The following PCDH9 variants were observed in gnomAD, a reference collection of about 807,000 sequenced individuals.
PCDH9 encodes the protein protocadherin 9.
Under a neutral mutation model 70.6 loss-of-function variants are expected in PCDH9, and 24 were observed. The ratio of observed to expected loss-of-function variants is 0.34; its 90% CI spans 0.25 to 0.48. The LOEUF is 0.48. Ranked by LOEUF, PCDH9 falls within the 20% of genes least tolerant of loss-of-function variation. The pLI, the probability that PCDH9 is intolerant of heterozygous loss-of-function variation, is 0.99. For synonymous variants in PCDH9, 562 were observed against 558.5 expected (o/e 1.01, Z -0.09); for missense variants, 1,281 against 1,503.6 (o/e 0.85, Z 2.45).
intron 2 of PCDH9, chr13:67,201,860 T>C (rs560796444): frequency 6.6e-6 from 1 of 152,162 alleles, no homozygotes; most frequent in East Asian, 1.9e-4. Flanking sequence ...CTGTAAGTGT[T>C]ACCTATAGAA....
intron 2 of PCDH9, among the ~76,000 whole-genome samples, chr13:67,106,722 TCCTGGG>T (rs1435428127): frequency 6.6e-6 from 1 of 152,204 alleles, no homozygotes; most frequent in African/African-American, 2.4e-5. Context: ...ATCCCTGTGC[TCCTGGG>T]CCTGGGAAAC....
At chr13:66,748,727 T>C (rs1192943284) in intron 3 of PCDH9, among the ~76,000 whole-genome samples, 1 of 152,156 alleles carries the variant, frequency 6.6e-6, no homozygotes, top group Non-Finnish European at 1.5e-5. Flanking sequence ...TATCACAGCA[T>C]AATATTGCTT....
chr13:66,503,746 T>C (rs1301810186), intron 4 of PCDH9, among the ~76,000 whole-genome samples: 1 of 152,196 alleles, frequency 6.6e-6, no homozygotes, highest in African/African-American at 2.4e-5. Flanking sequence ...CTGATTTAAA[T>C]CTGAATACTT....
chr13:67,064,857 T>C (rs1246937278), intron 2 of PCDH9, among the ~76,000 whole-genome samples: 1 of 152,008 alleles, frequency 6.6e-6, no homozygotes, highest in East Asian at 1.9e-4. Flanking sequence ...TGTATTTTTG[T>C]ATCTGTGTAT....
At chr13:66,423,172 T>C (rs568752636) in intron 4 of PCDH9, among the ~76,000 whole-genome samples, 10 of 152,164 alleles carry the variant, frequency 6.6e-5, no homozygotes, top group Non-Finnish European at 1.2e-4. Context: ...ATTAACAGCC[T>C]ACCAACCAAA....
intron 2 of PCDH9, among the ~76,000 whole-genome samples, chr13:67,194,292 G>C (rs1329757286): frequency 6.6e-6 from 1 of 151,700 alleles, no homozygotes; most frequent in Non-Finnish European, 1.5e-5. Context: ...TAAAATCATT[G>C]TCTCCAAATA....
At chr13:66,501,125 T>C (rs1299755091) in intron 4 of PCDH9, among the ~76,000 whole-genome samples, 3 of 152,122 alleles carry the variant, frequency 2.0e-5, no homozygotes, top group African/African-American at 7.2e-5. Flanking sequence ...CGGGCCAAAC[T>C]TAAGAACTGC....
chr13:66,733,113 C>T (rs891036219), intron 3 of PCDH9, among the ~76,000 whole-genome samples: 2 of 152,036 alleles, frequency 1.3e-5, no homozygotes, highest in Non-Finnish European at 2.9e-5. Flanking sequence ...GATCATTATC[C>T]TATAAAGATT....
intron 4 of PCDH9, among the ~76,000 whole-genome samples, chr13:66,386,820 A>T (rs1297201286): frequency 6.6e-6 from 1 of 152,192 alleles, no homozygotes; most frequent in Non-Finnish European, 1.5e-5. Context: ...AGAACTAAAA[A>T]ATAGGCCATT....
intron 3 of PCDH9, among the ~76,000 whole-genome samples, chr13:66,780,840 G>T (rs1233702733): frequency 6.6e-6 from 1 of 152,104 alleles, no homozygotes; most frequent in African/African-American, 2.4e-5. Flanking sequence ...CACGTGGTAG[G>T]TATTCAATAA....
At chr13:67,029,437 T>C (rs2084860330) in intron 2 of PCDH9, among the ~76,000 whole-genome samples, 1 of 152,198 alleles carries the variant, frequency 6.6e-6, no homozygotes, top group Non-Finnish European at 1.5e-5. Flanking sequence ...TCCTAAGGAA[T>C]TATCTATCTT....
intron 4 of PCDH9, among the ~76,000 whole-genome samples, chr13:66,358,033 G>A (rs1237998678): frequency 5.3e-5 from 8 of 151,994 alleles, no homozygotes; most frequent in Admixed American, 5.3e-4. Context: ...GTAATATACT[G>A]TGAGCAATGC....
intron 3 of PCDH9, among the ~76,000 whole-genome samples, chr13:66,680,730 A>G (rs1008507042): frequency 6.6e-6 from 1 of 152,024 alleles, no homozygotes; most frequent in African/African-American, 2.4e-5. Flanking sequence ...CACAATACAC[A>G]GTAAAAAATT....
Position 67,051,114 on chromosome 13 carries a change from C to T in PCDH9, c.3037-147509G>A, listed in dbSNP as rs143051952. Among the ~76,000 whole-genome samples, 791 of 152,230 alleles carry T rather than the reference C, an allele frequency of 5.2e-3. 12 individuals carry two copies. Among genetic ancestry groups the T allele is most frequent in the African/African-American group, 0.019 (771 of 41,552 alleles). On this transcript the variant is annotated intron_variant, in intron 2 of 4. Transcript: ENST00000377865. ...CTGCTCAGCTAATGTTTAGAAATTC[C>T]ATAAACATAACCTGCTCCATAATAT...
intron 2 of PCDH9, among the ~76,000 whole-genome samples, chr13:67,103,928 C>G (rs752506159): frequency 6.6e-6 from 1 of 152,104 alleles, no homozygotes; most frequent in Non-Finnish European, 1.5e-5. Context: ...TGTGAGAGTT[C>G]AGGGACCTTC....
chr13:66,708,050 A>T (rs901471760), intron 3 of PCDH9, among the ~76,000 whole-genome samples: 21 of 151,712 alleles, frequency 1.4e-4, no homozygotes, highest in African/African-American at 2.7e-4. Context: ...ATTTTATTTT[A>T]TTTTTTTTTT....
intron 2 of PCDH9, among the ~76,000 whole-genome samples, chr13:67,164,060 ATG>A (rs1367082099): frequency 4.6e-5 from 7 of 152,180 alleles, no homozygotes; most frequent in Non-Finnish European, 7.4e-5. Context: ...TAACAAAATC[ATG>A]TGTTTTGACA....
intron 4 of PCDH9, among the ~76,000 whole-genome samples, chr13:66,546,999 A>G (rs1961237301): frequency 6.6e-6 from 1 of 152,196 alleles, no homozygotes; most frequent in Non-Finnish European, 1.5e-5. Flanking sequence ...AGTACACTTT[A>G]TGATGTTCAC....
At chr13:66,809,261 T>C (rs2080461377) in intron 3 of PCDH9, among the ~76,000 whole-genome samples, 2 of 152,172 alleles carry the variant, frequency 1.3e-5, no homozygotes, top group African/African-American at 4.8e-5. Context: ...TAAATACATT[T>C]TTAATAGAAG....
Sources: allele counts gnomAD v4.1 joint callset (sites outside exome capture counted in the v4.1 genomes callset), GRCh38; gene constraint gnomAD v4.1.1; transcripts MANE v1.5; gene names NCBI Gene and HGNC (gene_info 2026-07-23, HGNC 2026-07-21).